The following ADGB variants were observed in gnomAD, a reference collection of about 807,000 sequenced individuals.
ADGB encodes calpain-7-like protein.
Under a neutral mutation model 210.5 loss-of-function variants are expected in ADGB, and 172 were observed. The ratio of observed to expected loss-of-function variants is 0.82; its 90% CI spans 0.72 to 0.93. The LOEUF is 0.93. Ranked by LOEUF, ADGB falls within the 40% of genes least tolerant of loss-of-function variation. The pLI is 0.00. For synonymous variants in ADGB, 658 were observed against 662.7 expected (o/e 0.99, Z 0.11); for missense variants, 2,025 against 1,964.8 (o/e 1.03, Z -0.58).
intron 8 of ADGB, among the ~76,000 whole-genome samples, chr6:146,673,496 C>G (rs529325330): frequency 8.5e-4 from 129 of 152,200 alleles, no homozygotes; most frequent in Non-Finnish European, 1.7e-3. Flanking sequence ...TAAGATCTTT[C>G]TTTTCTAGGA....
intron 14 of ADGB, 71 bp downstream of exon 14, chr6:146,715,486 ACAGCTTCCCTTCTGGCTCT>A: frequency 9.2e-7 from 1 of 1,086,834 alleles, no homozygotes. Flanking sequence ...CTGCTTCTTG[ACAGCTTCCCTTCTGGCTCT>A]CAGCAGCCTT....
intron 3 of ADGB, among the ~76,000 whole-genome samples, chr6:146,651,393 C>T (rs985654795): frequency 1.2e-4 from 19 of 152,112 alleles, no homozygotes; most frequent in African/African-American, 3.1e-4. Flanking sequence ...GGCCAGAACA[C>T]GAGAAACAAG....
intron 20 of ADGB, among the ~76,000 whole-genome samples, chr6:146,730,720 C>G (rs1378984819): frequency 6.6e-6 from 1 of 152,120 alleles, no homozygotes; most frequent in Non-Finnish European, 1.5e-5. Flanking sequence ...GGGCAAGAGG[C>G]TTATTTAGCT....
At chr6:146,706,749 T>A (rs1422352671) in intron 13 of ADGB, among the ~76,000 whole-genome samples, 1 of 152,012 alleles carries the variant, frequency 6.6e-6, no homozygotes, top group East Asian at 1.9e-4. Context: ...GCTTCCTTTT[T>A]TATTTCTGAT....
chr6:146,791,395 G>A (rs1474938784), intron 33 of ADGB, among the ~76,000 whole-genome samples: 1 of 152,294 alleles, frequency 6.6e-6, no homozygotes, highest in African/African-American at 2.4e-5. Context: ...AAAGGTTGGA[G>A]TATAGTGGCT....
At chr6:146,603,396 T>C (rs1780587796) in intron 1 of ADGB, among the ~76,000 whole-genome samples, 1 of 152,146 alleles carries the variant, frequency 6.6e-6, no homozygotes, top group Non-Finnish European at 1.5e-5. Context: ...ACAAAAGAAG[T>C]CGTGCAGTTT....
At chr6:146,679,104 T>C (rs1282681810) in intron 9 of ADGB, among the ~76,000 whole-genome samples, 2 of 152,140 alleles carry the variant, frequency 1.3e-5, no homozygotes, top group Non-Finnish European at 1.5e-5. Context: ...TCTCATTCTA[T>C]TGAAGACAAT....
intron 33 of ADGB, among the ~76,000 whole-genome samples, chr6:146,795,363 C>A (rs1338618242): frequency 6.6e-6 from 1 of 152,078 alleles, no homozygotes; most frequent in African/African-American, 2.4e-5. Flanking sequence ...ACAGAGTAAA[C>A]AAACAACCTA....
At chr6:146,711,597 G>A (rs1776657460) in intron 13 of ADGB, among the ~76,000 whole-genome samples, 1 of 152,184 alleles carries the variant, frequency 6.6e-6, no homozygotes, top group African/African-American at 2.4e-5. Context: ...CATGCTTGAA[G>A]ATGCTTACAT....
intron 1 of ADGB, among the ~76,000 whole-genome samples, chr6:146,605,770 G>A (rs1016292440): frequency 5.3e-5 from 8 of 152,264 alleles, no homozygotes; most frequent in African/African-American, 1.4e-4. Flanking sequence ...CATGTTTAAT[G>A]AGGATACCCC....
chr6:146,611,025 G>C (rs1008520569), intron 1 of ADGB, among the ~76,000 whole-genome samples: 2 of 152,078 alleles, frequency 1.3e-5, no homozygotes, highest in Non-Finnish European at 2.9e-5. Context: ...CAAGCACATT[G>C]GTATGGCAGT....
chr6:146,672,727 C>CTTTTTTTTTTTTTTT (rs58547170), intron 8 of ADGB, among the ~76,000 whole-genome samples: 1 of 142,820 alleles, frequency 7.0e-6, no homozygotes. Flanking sequence ...GTTTTTCTTT[C>CTTTTTTTTTTTTTTT]TTTTTTTTTT....
chr6:146,611,166 G>A (rs930155944), intron 1 of ADGB, among the ~76,000 whole-genome samples: 1 of 152,008 alleles, frequency 6.6e-6, no homozygotes, highest in African/African-American at 2.4e-5. Flanking sequence ...AATGAGCTAT[G>A]GAAGTGGTCA....
rs748404934 is a variant in ADGB, at chr6:146,748,346, G to T, written c.3365+2237G>T. ...ATAACAAAAGTCCACACACTGGGTG[G>T]GTGACTTATGCAATAGACATTTATT... On this transcript the variant is annotated intron_variant, in intron 26 of 35. Coordinates refer to ENST00000397944, the MANE Select transcript of ADGB (RefSeq NM_024694.4). Among the ~76,000 whole-genome samples, 34 of 152,030 alleles carry T rather than the reference G, an allele frequency of 2.2e-4. 1 individual carries two copies. Among genetic ancestry groups the T allele is most frequent in the Non-Finnish European group, 1.0e-4 (7 of 68,018 alleles).
At chr6:146,776,878 A>C (rs1272844586) in intron 29 of ADGB, among the ~76,000 whole-genome samples, 6 of 152,086 alleles carry the variant, frequency 3.9e-5, no homozygotes, top group Admixed American at 3.9e-4. Context: ...ACTTAGACTC[A>C]AAGGATGTAA....
chr6:146,633,077 G>T (rs547239951), intron 1 of ADGB, among the ~76,000 whole-genome samples: 1 of 151,940 alleles, frequency 6.6e-6, no homozygotes, highest in Non-Finnish European at 1.5e-5. Context: ...TATCCTCAAG[G>T]CTGTATTTTT....
At chr6:146,608,973 A>C (rs545346468) in intron 1 of ADGB, among the ~76,000 whole-genome samples, 1 of 152,164 alleles carries the variant, frequency 6.6e-6, no homozygotes, top group Non-Finnish European at 1.5e-5. Context: ...CGGGGTGTTA[A>C]GGTCTCCCAG....
chr6:146,756,500 G>A (rs2114616505), intron 27 of ADGB, among the ~76,000 whole-genome samples: 1 of 152,058 alleles, frequency 6.6e-6, no homozygotes, highest in African/African-American at 2.4e-5. Context: ...TCATTATTAT[G>A]ATTTATAGAA....
chr6:146,748,261 A>T (rs139935436), intron 26 of ADGB, among the ~76,000 whole-genome samples: 11 of 152,148 alleles, frequency 7.2e-5, no homozygotes, highest in African/African-American at 2.7e-4. Flanking sequence ...TTTGAAATAA[A>T]CCAGAAGTGA....
Sources: gnomAD v4.1 joint callset for allele counts (sites outside exome capture counted in the v4.1 genomes callset) on GRCh38, gnomAD v4.1.1 for gene constraint, MANE v1.5 for transcripts, NCBI Gene and HGNC (gene_info 2026-07-23, HGNC 2026-07-21) for gene names.